ELP1: variants seen among roughly 807,000 people sequenced by gnomAD.
ELP1 encodes the protein elongator acetyltransferase complex subunit 1.
In ELP1, 131 loss-of-function variants were observed where a neutral mutation model predicts 183.2. The ratio of observed to expected loss-of-function variants is 0.72; its 90% CI spans 0.62 to 0.83. The LOEUF (loss-of-function observed/expected upper bound fraction) is 0.83, where lower values mean the gene tolerates loss of function less well. Ranked by LOEUF, ELP1 falls within the 40% of genes least tolerant of loss-of-function variation. The pLI is 0.00. For missense variants in ELP1, 1,550 were observed against 1,594.9 expected (o/e 0.97, Z 0.48); for synonymous variants, 555 against 569.0 (o/e 0.98, Z 0.35).
chr9:108,901,753 T>C lies in ELP1; in HGVS notation c.1855-72A>G, dbSNP rs372659730. 70 of 1,365,322 alleles carry C rather than the reference T, an allele frequency of 5.1e-5. No individual in the cohort carries two copies. The African/African-American group carries it at 8.3e-4, about 16-fold the overall frequency. 84.6% of individuals were successfully genotyped at this position (1,365,322 alleles called of 1,614,324 possible). The stretch of plus-strand genomic sequence containing the variant: ...AGTTAAACCTACCTTTTCTATCACA[T>C]AGTTCTACCACCCTATGATTTCACA... On this transcript the variant is annotated intron_variant, in intron 16 of 36. Coordinates refer to ENST00000374647, the MANE Select transcript of ELP1 (RefSeq NM_003640.5).
intron 5 of ELP1, among the ~76,000 whole-genome samples, chr9:108,926,083 C>CA (rs1407146855): frequency 6.6e-6 from 1 of 152,196 alleles, no homozygotes; most frequent in East Asian, 1.9e-4. Flanking sequence ...TCAATACCCC[C>CA]ACAGCCTTAA....
intron 10 of ELP1, among the ~76,000 whole-genome samples, chr9:108,913,333 T>C (rs1432763874): frequency 2.0e-5 from 3 of 152,206 alleles, no homozygotes; most frequent in Admixed American, 6.5e-5. Context: ...CCAAAGAAGA[T>C]AAGCATGAAA....
chr9:108,895,847 C>A (rs1191023695), intron 25 of ELP1, among the ~76,000 whole-genome samples: 2 of 152,174 alleles, frequency 1.3e-5, no homozygotes, highest in Non-Finnish European at 2.9e-5. Context: ...TGCCCACCCT[C>A]CACTAGAAAA....
At chr9:108,919,468 G>A in intron 6 of ELP1, 119 bp from the exon 7 acceptor site, 7 of 660,814 alleles carry the variant, frequency 1.1e-5, no homozygotes, top group East Asian at 2.8e-5. Context: ...TTGAAAGCCT[G>A]CCTCTAGAAT....
At chr9:108,869,493 T>G (rs543481406) in intron 36 of ELP1, among the ~76,000 whole-genome samples, 61 of 152,314 alleles carry the variant, frequency 4.0e-4, no homozygotes, top group Non-Finnish European at 6.6e-4. Context: ...TGTATACATT[T>G]ATTAAAACTC....
rs765897393 is a variant in ELP1, at chr9:108,898,678, T to C, written c.2276A>G (p.Asn759Ser). The change falls in exon 21 of 37, where the codon AAC becomes AGC. Residue 759 changes from asparagine (N) to serine (S), a missense_variant. By Grantham distance (46) the Asn-to-Ser change is conservative. Coordinates refer to ENST00000374647, the MANE Select transcript of ELP1 (RefSeq NM_003640.5). ...RINLNLIYDHNPKVFLGNVET... is the reference protein window; with the variant it reads ...RINLNLIYDHSPKVFLGNVET... ...GACAGCTTAGAAAGTTACCTTAGGG[T>C]TATGATCATAAATCAGATTGAGATT... 3.1e-6 allele frequency: 5 copies of C among 1,611,984 alleles called. No individual in the cohort carries two copies. The Admixed American group carries it at 8.3e-5, about 27-fold the overall frequency.
At chr9:108,916,153 T>C in intron 10 of ELP1, 51 bp downstream of exon 10, 1 of 1,404,418 alleles carries the variant, frequency 7.1e-7, no homozygotes, top group Non-Finnish European at 1.0e-6. Flanking sequence ...ACCTGTCTAC[T>C]TTCAACTACG....
At chr9:108,876,002 G>A (rs1481052633) in intron 35 of ELP1, among the ~76,000 whole-genome samples, 2 of 152,204 alleles carry the variant, frequency 1.3e-5, no homozygotes, top group Non-Finnish European at 2.9e-5. Flanking sequence ...GCCGGGCATG[G>A]TGGCTGATGC....
chr9:108,890,302 G>A (rs1242805227), intron 28 of ELP1, among the ~76,000 whole-genome samples: 2 of 151,866 alleles, frequency 1.3e-5, no homozygotes, highest in Non-Finnish European at 2.9e-5. Context: ...AAAGAAAAGT[G>A]ATAATCCCAT....
intron 25 of ELP1, among the ~76,000 whole-genome samples, chr9:108,895,176 C>T (rs1056909852): frequency 1.3e-5 from 2 of 152,120 alleles, no homozygotes; most frequent in South Asian, 4.1e-4. Context: ...TTGCAGTGAG[C>T]CAAGATGGTG....
At chr9:108,887,167 C>T (rs556343862) in intron 29 of ELP1, among the ~76,000 whole-genome samples, 1 of 152,234 alleles carries the variant, frequency 6.6e-6, no homozygotes, top group East Asian at 1.9e-4. Flanking sequence ...TGAGATCACA[C>T]CACTGCACTC....
chr9:108,876,703 T>C (rs918589020), intron 35 of ELP1, among the ~76,000 whole-genome samples: 31 of 151,062 alleles, frequency 2.1e-4, no homozygotes, highest in Admixed American at 4.0e-4. Flanking sequence ...GAACAAAAGA[T>C]TTCTAGATTT....
rs765376716 is a variant in ELP1 at position 108,897,218 on chromosome 9, G to A, written c.2431C>T (p.Pro811Ser). ...VTSSVYLSRD[P>S]DGNKIDLVCD... ...ACAAGGTCTATTTTATTCCCGTCAGGATCCCTGGACAGGTAGACACTGCTG... is the reference window on the plus strand; with the variant it reads ...ACAAGGTCTATTTTATTCCCGTCAGAATCCCTGGACAGGTAGACACTGCTG... Residue 811 changes from proline (P) to serine (S), a missense_variant, in exon 23 of 37, where the codon CCT becomes TCT. Pro to Ser is a moderately conservative substitution (Grantham distance 74). Coordinates refer to ENST00000374647, the MANE Select transcript of ELP1 (RefSeq NM_003640.5). The A allele has an allele frequency of 1.9e-6, 3 of 1,613,988 alleles. No individual in the cohort carries two copies. The highest frequency in any genetic ancestry group is 3.3e-5 in the Admixed American group (2 of 60,004).
chr9:108,896,940 A>G lies in ELP1; in HGVS notation c.2587+13T>C. The G allele has an allele frequency of 6.2e-7, 1 of 1,611,334 alleles. No homozygotes were observed. The highest frequency in any genetic ancestry group is 1.1e-5 in the South Asian group (1 of 91,024). Reference sequence around the variant, plus strand: ...GGCCACCTTAAGCACTTTCTCTGTGAGCGGATCTCTACCTTGAAGCTCGTG... The same window carrying G: ...GGCCACCTTAAGCACTTTCTCTGTGGGCGGATCTCTACCTTGAAGCTCGTG... On this transcript the variant is annotated intron_variant, in intron 24 of 36. Transcript: ENST00000374647.
At chr9:108,875,227 G>A (rs1171048724) in intron 35 of ELP1, among the ~76,000 whole-genome samples, 1 of 152,200 alleles carries the variant, frequency 6.6e-6, no homozygotes, top group Admixed American at 6.5e-5. Flanking sequence ...AAACTCTACA[G>A]TGATATATCT....
rs118101521 is a variant in ELP1, at chr9:108,872,323, C to A, written c.3931+2572G>T. Among the ~76,000 whole-genome samples, 1,085 of 152,212 alleles carry A rather than the reference C, an allele frequency of 7.1e-3. 7 individuals carry two copies. The highest frequency in any genetic ancestry group is 0.012 in the Non-Finnish European group (819 of 68,014). ...AATTATTACAGTAGTGCAGTACATA[C>A]TACAGTTAATTTTATGCAGTTATGA... On this transcript the variant is annotated intron_variant, in intron 36 of 36. Coordinates refer to ENST00000374647, the MANE Select transcript of ELP1 (RefSeq NM_003640.5).
intron 28 of ELP1, among the ~76,000 whole-genome samples, chr9:108,889,957 C>T (rs747025666): frequency 6.6e-6 from 1 of 152,192 alleles, no homozygotes; most frequent in Non-Finnish European, 1.5e-5. Flanking sequence ...AAACTGCCTA[C>T]GTTAAATGTA....
intron 5 of ELP1, among the ~76,000 whole-genome samples, chr9:108,926,292 G>C (rs1443913430): frequency 6.6e-6 from 1 of 152,130 alleles, no homozygotes; most frequent in Non-Finnish European, 1.5e-5. Flanking sequence ...ACTTTCCTAG[G>C]GTTTGGGTAA....
rs1311853078 is a variant in ELP1 at position 108,868,010 on chromosome 9, A to G, written c.*1105T>C. The stretch of plus-strand genomic sequence containing the variant: ...TCACCAGTGTTGGAAGTGGGGCCCA[A>G]TGGGAGGTGTTTTGGTCACAGGGGC... On this transcript the variant is annotated 3_prime_UTR_variant, in exon 37 of 37. Transcript: ENST00000374647. The G allele has an allele frequency of 2.6e-5, 4 of 152,372 alleles. No homozygotes were observed. Among genetic ancestry groups the G allele is most frequent in the East Asian group, 3.9e-4 (2 of 5,182 alleles). The allele number at this position is 152,372 out of a possible 1,614,324, so 9.4% of individuals were successfully genotyped here.
Sources: allele counts gnomAD v4.1 joint callset (sites outside exome capture counted in the v4.1 genomes callset), GRCh38; gene constraint gnomAD v4.1.1; transcripts MANE v1.5; gene names NCBI Gene and HGNC (gene_info 2026-07-23, HGNC 2026-07-21).